The following NRP2 variants were observed in gnomAD, a reference collection of about 807,000 sequenced individuals.
NRP2 encodes the protein neuropilin 2, also known as neuropilin-2.
NRP2 carries 52 observed loss-of-function variants against 110.4 expected under a neutral mutation model. The observed-to-expected ratio is 0.47, with a 90% CI of 0.38 to 0.59. NRP2 has a LOEUF of 0.59. Ranked by LOEUF, NRP2 falls within the 20% of genes least tolerant of loss-of-function variation. NRP2 has a pLI of 0.00. For synonymous variants in NRP2, 508 were observed against 468.9 expected, an observed-to-expected ratio of 1.08 and a Z score of -1.08; for missense variants, 1,049 against 1,203.0, an observed-to-expected ratio of 0.87 and a Z score of 1.89.
At chr2:205,766,725 G>A in intron 14 of NRP2, 58 bp from the exon 15 acceptor site, 6 of 1,458,476 alleles carry the variant, frequency 4.1e-6, no homozygotes, top group East Asian at 2.3e-5. Context: ...TTCACTCTAT[G>A]TTCACCCAAT....
rs1347418471 is a variant in NRP2, at chr2:205,763,833, A to C, written c.2204A>C (p.Glu735Ala). ...GGGGTGGCGCTGCAGGTGGTGCGGG[A>C]AGCCAGCCAGGAGAGCAAGTTGCTG... ...GRGVALQVVR[E>A]ASQESKLLWV... Residue 735 changes from glutamate to alanine, a missense_variant, in exon 13 of 17, where the codon GAA (glutamate) becomes GCA (alanine). By Grantham distance (107) the Glu-to-Ala change is moderately radical. Coordinates refer to ENST00000357785, the MANE Select transcript of NRP2 (RefSeq NM_003872.3). This position sits in a 1 kb window ranked among gnomAD's most constrained non-coding sequence, Gnocchi z 4.0. 6.2e-7 allele frequency: 1 copy of C among 1,614,000 alleles called. No homozygotes were observed. The highest frequency in any genetic ancestry group is 1.3e-5 in the African/African-American group (1 of 74,914).
intron 10 of NRP2, among the ~76,000 whole-genome samples, chr2:205,746,110 T>C (rs188830702): frequency 2.0e-5 from 3 of 152,232 alleles, no homozygotes; most frequent in East Asian, 3.9e-4. Flanking sequence ...AAGGGATCAT[T>C]TCAGTTCTCC....
At chr2:205,766,756 G>A (rs200019442) in intron 14 of NRP2, 27 bp from the exon 15 acceptor site, 3 of 1,609,288 alleles carry the variant, frequency 1.9e-6, no homozygotes, top group African/African-American at 1.3e-5. Flanking sequence ...CTTTAACTAA[G>A]TCCAATTTTT....
chr2:205,792,216 T>A lies in NRP2; in HGVS notation c.2426-19T>A. ...ATAGAACTTGTTATTAACTTGTTTT[T>A]ATTTTCTTTATATTATAGTGGACAT... On this transcript the variant is annotated intron_variant, in intron 15 of 16. Coordinates refer to ENST00000357785, the MANE Select transcript of NRP2 (RefSeq NM_003872.3). 6.5e-7 allele frequency: 1 copy of A among 1,545,026 alleles called. No individual in the cohort carries two copies. Among genetic ancestry groups the A allele is most frequent in the Non-Finnish European group, 9.0e-7 (1 of 1,117,140 alleles).
rs1323430339 is a variant in NRP2 at position 205,722,461 on chromosome 2, TTC to T, written c.434-13_434-12del. 1 of 1,597,214 alleles carries T rather than the reference TTC, an allele frequency of 6.3e-7. No homozygotes were observed. The highest frequency in any genetic ancestry group is 1.3e-5 in the African/African-American group (1 of 74,574). ...AGGCATCTTCTTCTTAGTGCTACAG[TTC>T]TCTTTTACATACAGGCTCTGAAGAT... On this transcript the variant is annotated splice_polypyrimidine_tract_variant and intron_variant, in intron 3 of 16. Coordinates refer to ENST00000357785, the MANE Select transcript of NRP2 (RefSeq NM_003872.3).
At chr2:205,684,267 C>T (rs983527341) in intron 1 of NRP2, among the ~76,000 whole-genome samples, 1 of 152,130 alleles carries the variant, frequency 6.6e-6, no homozygotes, top group Non-Finnish European at 1.5e-5. Context: ...GTTTGTGCTT[C>T]CTTCTCGGAC....
chr2:205,792,696 G>A (rs1282951705), intron 16 of NRP2, among the ~76,000 whole-genome samples: 1 of 152,152 alleles, frequency 6.6e-6, no homozygotes, highest in African/African-American at 2.4e-5. Flanking sequence ...TGGTTCCCTG[G>A]CTTGGGGGAA....
intron 10 of NRP2, among the ~76,000 whole-genome samples, chr2:205,746,379 G>A (rs1334403838): frequency 6.6e-6 from 1 of 152,214 alleles, no homozygotes; most frequent in African/African-American, 2.4e-5. Context: ...AGCTGATGGG[G>A]GCAGGACTCC....
At chr2:205,709,683 C>T (rs2056759267) in intron 2 of NRP2, among the ~76,000 whole-genome samples, 1 of 152,162 alleles carries the variant, frequency 6.6e-6, no homozygotes, top group Non-Finnish European at 1.5e-5. Flanking sequence ...GACCTTTTCC[C>T]TAGAAAAATG....
At chr2:205,684,081 T>C (rs2056084895) in intron 1 of NRP2, among the ~76,000 whole-genome samples, 2 of 152,226 alleles carry the variant, frequency 1.3e-5, no homozygotes, top group Admixed American at 6.5e-5. Context: ...CTCACTCTTG[T>C]GAAGTGGTTA....
intron 10 of NRP2, 60 bp from the exon 11 acceptor site, chr2:205,749,665 C>T (rs773740728): frequency 1.5e-6 from 2 of 1,335,706 alleles, no homozygotes; most frequent in Non-Finnish European, 2.2e-6. Context: ...CATCTTCCTC[C>T]TGCTGGGTTG....
intron 15 of NRP2, chr2:205,777,098 A>G: frequency 2.0e-6 from 2 of 991,908 alleles, no homozygotes; most frequent in Non-Finnish European, 2.4e-6. Flanking sequence ...AGAAAATAAT[A>G]TACTGTACAA....
chr2:205,760,668 G>A (rs1308023893), intron 12 of NRP2: 1 of 152,254 alleles, frequency 6.6e-6, no homozygotes, highest in Admixed American at 6.5e-5. Flanking sequence ...TGGGTCACTG[G>A]AAGGGGCAGA....
Position 205,764,027 on chromosome 2 carries a change from A to G in NRP2, c.2307+91A>G, listed in dbSNP as rs183423413. 1.7e-4 allele frequency: 253 copies of G among 1,505,060 alleles called. 2 individuals are homozygous for G. The African/African-American group carries it at 2.6e-3, about 15-fold the overall frequency. The allele number at this position is 1,505,060 out of a possible 1,614,324, so 93.2% of individuals were successfully genotyped here. A position where few individuals can be genotyped will look rare whatever the true frequency, so the allele number is the denominator to read the frequency against. Reference sequence around the variant, plus strand: ...TCGTTAGGGAACGTGGTTAAGCGCTACTGTTTTCATTGTGTTTCTCACGTT... The same window carrying G: ...TCGTTAGGGAACGTGGTTAAGCGCTGCTGTTTTCATTGTGTTTCTCACGTT... On this transcript the variant is annotated intron_variant, in intron 13 of 16. Coordinates refer to ENST00000357785, the MANE Select transcript of NRP2 (RefSeq NM_003872.3).
Position 205,784,371 on chromosome 2 carries a change from C to T in NRP2, c.2426-7864C>T, listed in dbSNP as rs1274496127. Among the ~76,000 whole-genome samples, 3 of 152,216 alleles carry T rather than the reference C, an allele frequency of 2.0e-5. No homozygotes were observed. The East Asian group carries it at 5.8e-4, about 29-fold the overall frequency. On this transcript the variant is annotated intron_variant, in intron 15 of 16. Transcript: ENST00000357785. ...TTTGTCTCTTTGTGTTTTCTTGCTG[C>T]CACCCAGGGCCTGCGAGAACAGGCA... is the stretch of plus-strand genomic sequence containing the variant.
At chr2:205,724,546 G>T (rs1447081134) in intron 5 of NRP2, among the ~76,000 whole-genome samples, 2 of 151,920 alleles carry the variant, frequency 1.3e-5, no homozygotes, top group African/African-American at 2.4e-5. Context: ...GATCACAGCT[G>T]CTGTGGGACC....
At chr2:205,708,384 G>A (rs969956948) in intron 2 of NRP2, among the ~76,000 whole-genome samples, 13 of 152,368 alleles carry the variant, frequency 8.5e-5, no homozygotes, top group South Asian at 2.1e-4. Flanking sequence ...TCAGGAATGC[G>A]CCTTGCTGGC....
At chr2:205,738,400 G>GCAAAA (rs1208978265) in intron 7 of NRP2, among the ~76,000 whole-genome samples, 4 of 152,126 alleles carry the variant, frequency 2.6e-5, no homozygotes, top group Admixed American at 2.6e-4. Context: ...ACAAAGCAAA[G>GCAAAA]CAAAACAAAA....
At chr2:205,784,243 C>T (rs1246815577) in intron 15 of NRP2, among the ~76,000 whole-genome samples, 6 of 152,176 alleles carry the variant, frequency 3.9e-5, no homozygotes, top group South Asian at 2.1e-4. Context: ...GCTCCAGTAA[C>T]GATGGGTGTG....
Sources: allele counts gnomAD v4.1 joint callset (sites outside exome capture counted in the v4.1 genomes callset), GRCh38; gene constraint gnomAD v4.1.1; non-coding constraint Gnocchi (gnomAD v3.1); transcripts MANE v1.5; gene names NCBI Gene and HGNC (gene_info 2026-07-23, HGNC 2026-07-21).